HPSE2: variants seen among roughly 807,000 people sequenced by gnomAD.
The protein encoded by HPSE2 is inactive heparanase-2.
HPSE2 carries 38 observed loss-of-function variants against 60.5 expected under a neutral mutation model. That is an observed-to-expected ratio of 0.63 (90% CI 0.48 to 0.82). The LOEUF (loss-of-function observed/expected upper bound fraction) is 0.82, where lower values mean the gene tolerates loss of function less well. Ranked by LOEUF, HPSE2 falls within the 40% of genes least tolerant of loss-of-function variation. The pLI is 0.00. For synonymous variants in HPSE2, 295 were observed against 293.2 expected, an observed-to-expected ratio of 1.01 and a Z score of -0.06; for missense variants, 713 against 740.4, an observed-to-expected ratio of 0.96 and a Z score of 0.43.
intron 3 of HPSE2, among the ~76,000 whole-genome samples, chr10:99,025,879 A>G (rs1957366948): frequency 1.2e-5 from 1 of 84,050 alleles, no homozygotes; most frequent in African/African-American, 3.8e-5. Context: ...ACCTAAAAGA[A>G]AAGTTAAAAA....
At chr10:99,234,862 G>C (rs922226127) in intron 1 of HPSE2, among the ~76,000 whole-genome samples, 3 of 152,022 alleles carry the variant, frequency 2.0e-5, no homozygotes, top group African/African-American at 7.3e-5. Context: ...AACTGGCGGG[G>C]GGAGGGGGGC....
intron 10 of HPSE2, among the ~76,000 whole-genome samples, chr10:98,484,241 T>TCTTC (rs1365144123): frequency 6.6e-6 from 1 of 151,828 alleles, no homozygotes; most frequent in African/African-American, 2.4e-5. Flanking sequence ...TTCTTTCCTT[T>TCTTC]CTTCCTTCCT....
intron 7 of HPSE2, among the ~76,000 whole-genome samples, chr10:98,626,004 C>T (rs909529068): frequency 6.6e-6 from 1 of 151,520 alleles, no homozygotes; most frequent in East Asian, 1.9e-4. Flanking sequence ...TACTTGGGAG[C>T]CTGAGGCGGA....
At chr10:98,905,485 A>G (rs1184581962) in intron 3 of HPSE2, among the ~76,000 whole-genome samples, 1 of 152,144 alleles carries the variant, frequency 6.6e-6, no homozygotes, top group Non-Finnish European at 1.5e-5. Flanking sequence ...AACTAAACTT[A>G]GGAAAAGGGA....
At chr10:98,721,878 C>A in intron 4 of HPSE2, 50 bp from the exon 5 acceptor site, 1 of 1,454,146 alleles carries the variant, frequency 6.9e-7, no homozygotes, top group Non-Finnish European at 9.7e-7. Context: ...TAAGGTTCTG[C>A]CAACACTTTC....
chr10:99,250,866 G>T, the HPSE2 span, among the ~76,000 whole-genome samples: 1 of 152,062 alleles, frequency 6.6e-6, no homozygotes. Flanking sequence ...GCAATATTAA[G>T]AGAAAAGTTT....
At chr10:99,302,974 C>T in the HPSE2 span, among the ~76,000 whole-genome samples, 2 of 151,798 alleles carry the variant, frequency 1.3e-5, no homozygotes, top group Non-Finnish European at 2.9e-5. Flanking sequence ...GAAGCTTTCC[C>T]TACAAGGACA....
intron 3 of HPSE2, among the ~76,000 whole-genome samples, chr10:98,849,756 T>TA (rs1240227197): frequency 6.6e-6 from 1 of 152,234 alleles, no homozygotes; most frequent in African/African-American, 2.4e-5. Flanking sequence ...TCCTCGATTT[T>TA]TTTTTTTGAG....
At chr10:98,804,653 C>T (rs543459430) in intron 3 of HPSE2, among the ~76,000 whole-genome samples, 21 of 152,026 alleles carry the variant, frequency 1.4e-4, no homozygotes, top group Middle Eastern at 3.4e-3. Flanking sequence ...AGGATGTATA[C>T]GGTACGGAAA....
the HPSE2 span, among the ~76,000 whole-genome samples, chr10:99,290,431 C>T: frequency 3.9e-5 from 6 of 152,196 alleles, no homozygotes; most frequent in African/African-American, 1.4e-4. Flanking sequence ...TACATTCCTT[C>T]CAGGAGGGCA....
intron 3 of HPSE2, among the ~76,000 whole-genome samples, chr10:98,750,390 T>C (rs759301735): frequency 3.9e-5 from 6 of 152,150 alleles, no homozygotes; most frequent in Admixed American, 2.0e-4. Flanking sequence ...CTCATTGACA[T>C]AGAAGCCATT....
At chr10:98,611,520 A>T (rs75743498) in intron 9 of HPSE2, among the ~76,000 whole-genome samples, 1 of 152,210 alleles carries the variant, frequency 6.6e-6, no homozygotes, top group Admixed American at 6.5e-5. Context: ...TCTCTTGAAG[A>T]TTTAATCACA....
At chr10:99,021,640 T>C (rs1299086452) in intron 3 of HPSE2, among the ~76,000 whole-genome samples, 1 of 152,180 alleles carries the variant, frequency 6.6e-6, no homozygotes, top group Non-Finnish European at 1.5e-5. Context: ...GATTGATTAA[T>C]TGAGTAGCTT....
At chr10:99,004,457 G>GC (rs1465078522) in intron 3 of HPSE2, among the ~76,000 whole-genome samples, 1 of 151,330 alleles carries the variant, frequency 6.6e-6, no homozygotes, top group Non-Finnish European at 1.5e-5. Context: ...TTACTTTGAG[G>GC]CTTACATAAA....
Position 98,813,149 on chromosome 10 carries a change from C to T in HPSE2, c.611-69093G>A, listed in dbSNP as rs117870276. Among the ~76,000 whole-genome samples, 1,204 of 152,266 alleles carry T rather than the reference C, an allele frequency of 7.9e-3. 6 individuals carry two copies. The highest frequency in any genetic ancestry group is 0.018 in the South Asian group (85 of 4,826). On this transcript the variant is annotated intron_variant, in intron 3 of 11. Coordinates refer to ENST00000370552, the MANE Select transcript of HPSE2 (RefSeq NM_021828.5). ...TTACCCCCAATGACCTTGCTTTCTTCCTCCCAGGAAAACTGCTTTCTGATC... is the reference window on the plus strand; with the variant it reads ...TTACCCCCAATGACCTTGCTTTCTTTCTCCCAGGAAAACTGCTTTCTGATC...
chr10:99,234,864 G>A lies in HPSE2; in HGVS notation c.290+649C>T, dbSNP rs554547815. Among the ~76,000 whole-genome samples the A allele has an allele frequency of 4.6e-5, 7 of 152,170 alleles. No homozygotes were observed. In the East Asian group the frequency reaches 1.2e-3, roughly 25 times the overall value. ...TTTAAGGAGGAGGAACTGGCGGGGGGAGGGGGGCATTCCGTCTATAAAAAG... is the reference window on the plus strand; with the variant it reads ...TTTAAGGAGGAGGAACTGGCGGGGGAAGGGGGGCATTCCGTCTATAAAAAG... On this transcript the variant is annotated intron_variant, in intron 1 of 11. Coordinates refer to ENST00000370552, the MANE Select transcript of HPSE2 (RefSeq NM_021828.5).
chr10:98,707,231 C>T (rs1054019865), intron 5 of HPSE2, among the ~76,000 whole-genome samples: 5 of 152,214 alleles, frequency 3.3e-5, no homozygotes, highest in African/African-American at 1.2e-4. Context: ...AATGCCACTG[C>T]TGGTAAATAT....
intron 9 of HPSE2, among the ~76,000 whole-genome samples, chr10:98,512,579 C>A (rs1378792524): frequency 3.9e-5 from 4 of 101,278 alleles, no homozygotes; most frequent in Non-Finnish European, 9.4e-5. Context: ...AGTGAGACTG[C>A]GTCTCAAAAA....
At chr10:99,102,167 C>T (rs1263145020) in intron 3 of HPSE2, among the ~76,000 whole-genome samples, 1 of 109,204 alleles carries the variant, frequency 9.2e-6, no homozygotes, top group Non-Finnish European at 2.4e-5. Context: ...CACAAAAAAC[C>T]CTTCAAAAAA....
Sources: gnomAD v4.1 joint callset for allele counts (sites outside exome capture counted in the v4.1 genomes callset) on GRCh38, gnomAD v4.1.1 for gene constraint, MANE v1.5 for transcripts, NCBI Gene and HGNC (gene_info 2026-07-23, HGNC 2026-07-21) for gene names.